NELL2: variants seen among roughly 807,000 people sequenced by gnomAD.
NELL2 encodes the protein protein kinase C-binding protein NELL2.
Under a neutral mutation model 109.6 loss-of-function variants are expected in NELL2, and 41 were observed. The ratio of observed to expected loss-of-function variants is 0.37; its 90% CI spans 0.29 to 0.49. The LOEUF (loss-of-function observed/expected upper bound fraction) is 0.49, where lower values mean the gene tolerates loss of function less well. NELL2 is among the 20% of genes least tolerant of loss of function. The probability of loss-of-function intolerance (pLI) is 0.98; values close to 1 mark genes in which losing one functional copy is unlikely to be tolerated. For synonymous variants in NELL2, 355 were observed against 344.7 expected, an observed-to-expected ratio of 1.03 and a Z score of -0.33; for missense variants, 900 against 1,008.3, an observed-to-expected ratio of 0.89 and a Z score of 1.45.
chr12:44,523,023 T>C (rs1941609624), intron 17 of NELL2: 1 of 468,132 alleles, frequency 2.1e-6, no homozygotes, highest in South Asian at 2.2e-5. Flanking sequence ...TAGTATATAC[T>C]ATAAAACTCC....
intron 15 of NELL2, among the ~76,000 whole-genome samples, chr12:44,562,083 T>C (rs145289719): frequency 3.5e-4 from 53 of 152,302 alleles, no homozygotes; most frequent in African/African-American, 1.2e-3. Context: ...CCCTATTTAA[T>C]AAATGGTGCT....
chr12:44,759,832 T>C (rs968551349), intron 9 of NELL2, among the ~76,000 whole-genome samples: 1 of 152,180 alleles, frequency 6.6e-6, no homozygotes, highest in Non-Finnish European at 1.5e-5. Context: ...CCACACCATA[T>C]GTATGCTTGC....
intron 15 of NELL2, among the ~76,000 whole-genome samples, chr12:44,549,993 C>T (rs1286826616): frequency 6.6e-6 from 1 of 152,094 alleles, no homozygotes; most frequent in Non-Finnish European, 1.5e-5. Context: ...ATTTGAAATT[C>T]TATTACAAAA....
At chr12:44,561,598 A>C (rs370329218) in intron 15 of NELL2, among the ~76,000 whole-genome samples, 8 of 152,174 alleles carry the variant, frequency 5.3e-5, no homozygotes, top group East Asian at 1.9e-4. Context: ...AATACATAAG[A>C]ATACAACTTA....
Position 44,842,827 on chromosome 12 carries a change from G to A in NELL2, c.185-26691C>T, listed in dbSNP as rs183164166. 5.3e-5 allele frequency among the ~76,000 whole-genome samples: 8 copies of A among 151,768 alleles called. No homozygotes were observed. In the East Asian group the frequency reaches 5.8e-4, roughly 11 times the overall value. ...CAAACAGACACACAGAGACAGACAC[G>A]CACACAGAGGGAAGAGGCCCACGTG... On this transcript the variant is annotated intron_variant, in intron 2 of 19. Coordinates refer to ENST00000429094, the MANE Select transcript of NELL2 (RefSeq NM_001145108.2).
intron 9 of NELL2, among the ~76,000 whole-genome samples, chr12:44,749,935 G>A (rs974686462): frequency 5.9e-5 from 9 of 151,726 alleles, no homozygotes; most frequent in South Asian, 2.1e-4. Flanking sequence ...TAATTATTAC[G>A]AGCAGGAGAA....
At chr12:44,801,124 T>C (rs1416752043) in intron 3 of NELL2, among the ~76,000 whole-genome samples, 10 of 152,158 alleles carry the variant, frequency 6.6e-5, no homozygotes, top group Non-Finnish European at 1.5e-5. Context: ...GTAGCTATTA[T>C]AGAAACGCCA....
intron 16 of NELL2, 88 bp downstream of exon 16, chr12:44,532,493 T>G (rs1804187405): frequency 1.2e-5 from 16 of 1,334,642 alleles, no homozygotes; most frequent in Non-Finnish European, 1.6e-5. Flanking sequence ...ACACTAACAT[T>G]GGCTCAATGT....
Position 44,779,975 on chromosome 12 carries a change from T to C in NELL2, c.383A>G (p.His128Arg). ...SSGHRNEVRL[H>R]YRSGSHRPHT... ...AGGGCGGTGACTGCCTGAGCGGTAA[T>C]GCAGTCTGACTTCATTCCGATGGCC... The change falls in exon 4 of 20, where the codon CAT becomes CGT. Residue 128 changes from histidine to arginine, a missense_variant. Around this residue, in one of 4 missense-constraint regions of NELL2, gnomAD observed 200 missense variants for 191.8 expected, o/e 1.04. Transcript: ENST00000429094. 1 of 1,613,898 alleles carries C rather than the reference T, an allele frequency of 6.2e-7. No individual in the cohort carries two copies. The highest frequency in any genetic ancestry group is 8.5e-7 in the Non-Finnish European group (1 of 1,179,820).
chr12:44,765,173 A>C, intron 9 of NELL2, among the ~76,000 whole-genome samples: 1 of 152,226 alleles, frequency 6.6e-6, no homozygotes, highest in East Asian at 1.9e-4. Context: ...TGAATCATTG[A>C]GGTCATCTTC....
At chr12:44,637,315 C>A (rs1439178598) in intron 13 of NELL2, among the ~76,000 whole-genome samples, 1 of 150,480 alleles carries the variant, frequency 6.6e-6, no homozygotes, top group South Asian at 2.1e-4. Flanking sequence ...CTCTTGAACC[C>A]TTTTACATAT....
At chr12:44,627,506 G>C (rs893826533) in intron 13 of NELL2, among the ~76,000 whole-genome samples, 1 of 150,220 alleles carries the variant, frequency 6.7e-6, no homozygotes, top group Non-Finnish European at 1.5e-5. Flanking sequence ...GCTGTACAAC[G>C]AACTTATTAC....
intron 9 of NELL2, 74 bp downstream of exon 9, chr12:44,774,673 A>G: frequency 8.2e-7 from 1 of 1,214,428 alleles, no homozygotes; most frequent in South Asian, 1.2e-5. Flanking sequence ...GATTAAACCA[A>G]TGATGGGTGA....
chr12:44,701,230 A>C (rs1949218471), intron 12 of NELL2, among the ~76,000 whole-genome samples: 1 of 152,136 alleles, frequency 6.6e-6, no homozygotes, highest in Non-Finnish European at 1.5e-5. Flanking sequence ...ATTTGGAATA[A>C]ATAACAAAAG....
chr12:44,550,194 A>G lies in NELL2; in HGVS notation c.1664-17473T>C, dbSNP rs544005747. ...GAGAAAACTGGATATTCACACACAA[A>G]AGAATGAAACTGGGCCCTTATCTTA... On this transcript the variant is annotated intron_variant, in intron 15 of 19. Coordinates refer to ENST00000429094, the MANE Select transcript of NELL2 (RefSeq NM_001145108.2). Among the ~76,000 whole-genome samples the G allele has an allele frequency of 3.9e-5, 6 of 152,306 alleles. No individual in the cohort carries two copies. In the South Asian group the frequency reaches 1.2e-3, roughly 32 times the overall value.
intron 12 of NELL2, among the ~76,000 whole-genome samples, chr12:44,675,295 T>C (rs1948268516): frequency 6.6e-6 from 1 of 152,152 alleles, no homozygotes; most frequent in South Asian, 2.1e-4. Context: ...CATTAAAAGA[T>C]AATTTTCAAG....
At chr12:44,770,672 T>C (rs1245035790) in intron 9 of NELL2, among the ~76,000 whole-genome samples, 4 of 152,228 alleles carry the variant, frequency 2.6e-5, no homozygotes, top group Admixed American at 2.6e-4. Flanking sequence ...TTCTGGACTC[T>C]GAGGAAATAC....
At chr12:44,814,257 G>A (rs1360193583) in intron 3 of NELL2, among the ~76,000 whole-genome samples, 1 of 152,196 alleles carries the variant, frequency 6.6e-6, no homozygotes, top group Non-Finnish European at 1.5e-5. Flanking sequence ...AGAAGGCTGG[G>A]TGAGTTCTAT....
chr12:44,903,206 C>A (rs965755058), intron 1 of NELL2, among the ~76,000 whole-genome samples: 2 of 151,876 alleles, frequency 1.3e-5, no homozygotes, highest in Non-Finnish European at 2.9e-5. Flanking sequence ...AAAAAAAATA[C>A]CCCCATCAAA....
Sources: gnomAD v4.1 joint callset for allele counts (sites outside exome capture counted in the v4.1 genomes callset) on GRCh38, gnomAD v4.1.1 for gene constraint, gnomAD v4.1.1 regional missense constraint, MANE v1.5 for transcripts, NCBI Gene and HGNC (gene_info 2026-07-23, HGNC 2026-07-21) for gene names.